The following GALNT18 variants were observed in gnomAD, a reference collection of about 807,000 sequenced individuals.
The protein encoded by GALNT18 is GalNAc-transferase 18.
Under a neutral mutation model 69.5 loss-of-function variants are expected in GALNT18, and 44 were observed. That is an observed-to-expected ratio of 0.63 (90% CI 0.50 to 0.81). The LOEUF (loss-of-function observed/expected upper bound fraction) is 0.81, where lower values mean the gene tolerates loss of function less well. GALNT18 is among the 40% of genes least tolerant of loss of function. The probability of loss-of-function intolerance (pLI) is 0.00; values close to 1 mark genes in which losing one functional copy is unlikely to be tolerated. For synonymous variants in GALNT18, 364 were observed against 318.2 expected (o/e 1.14, Z -1.53); for missense variants, 715 against 810.0 (o/e 0.88, Z 1.42).
At chr11:11,515,195 G>A (rs1206723639) in intron 1 of GALNT18, among the ~76,000 whole-genome samples, 3 of 151,852 alleles carry the variant, frequency 2.0e-5, no homozygotes, top group Non-Finnish European at 4.4e-5. Flanking sequence ...ATAATATGAG[G>A]TCACCCTGCA....
chr11:11,399,941 T>C (rs531470440), intron 3 of GALNT18, among the ~76,000 whole-genome samples: 1 of 152,372 alleles, frequency 6.6e-6, no homozygotes, highest in Non-Finnish European at 1.5e-5. Flanking sequence ...GGTGGTTATA[T>C]ACACAGGTTT....
chr11:11,280,110 G>A (rs769822043), intron 10 of GALNT18, among the ~76,000 whole-genome samples: 7 of 152,094 alleles, frequency 4.6e-5, no homozygotes, highest in Non-Finnish European at 1.0e-4. Flanking sequence ...AATAAAGCAA[G>A]ATTCCTCCTG....
intron 1 of GALNT18, among the ~76,000 whole-genome samples, chr11:11,525,759 C>T (rs999351289): frequency 6.6e-6 from 1 of 151,744 alleles, no homozygotes; most frequent in East Asian, 1.9e-4. Context: ...CTCAGCCTCC[C>T]GAGTAGCTGG....
At position 11,564,504 on chromosome 11, in the gene GALNT18, A is replaced by G. The variant is rs529115628; in HGVS notation, c.235+56855T>C. 2.0e-5 allele frequency among the ~76,000 whole-genome samples: 3 copies of G among 152,178 alleles called. No individual in the cohort carries two copies. Among genetic ancestry groups the G allele is most frequent in the South Asian group, 2.1e-4 (1 of 4,814 alleles). ...CCCTTCTTTTCTTCCCCACGGCCCTATGCATTTTATCTGCCTTATTTGAGG... is the reference window on the plus strand; with the variant it reads ...CCCTTCTTTTCTTCCCCACGGCCCTGTGCATTTTATCTGCCTTATTTGAGG... On this transcript the variant is annotated intron_variant, in intron 1 of 10. Transcript: ENST00000227756. This position sits in a 1 kb window ranked among gnomAD's most constrained non-coding sequence, Gnocchi z 4.3.
In GALNT18 at chr11:11,467,175, G is replaced by T. The variant is rs139670125; in HGVS notation, c.236-18239C>A. Among the ~76,000 whole-genome samples, 663 of 152,256 alleles carry T rather than the reference G, an allele frequency of 4.4e-3. 4 individuals carry two copies. Among genetic ancestry groups the T allele is most frequent in the African/African-American group, 0.015 (619 of 41,540 alleles). ...CCCACCGGCTGCATATGCTATGTGTGCCCACGGCAGGCAGGAGGGTTCTGC... is the reference window on the plus strand; with the variant it reads ...CCCACCGGCTGCATATGCTATGTGTTCCCACGGCAGGCAGGAGGGTTCTGC... On this transcript the variant is annotated intron_variant, in intron 1 of 10. Coordinates refer to ENST00000227756, the MANE Select transcript of GALNT18 (RefSeq NM_198516.3).
intron 2 of GALNT18, 76 bp downstream of exon 2, chr11:11,448,668 C>T (rs1392651814): frequency 7.6e-7 from 1 of 1,310,458 alleles, no homozygotes; most frequent in Admixed American, 2.2e-5. Context: ...CCCAGTCCTG[C>T]TCTGTTCCCA....
chr11:11,373,763 T>G (rs906169918), intron 5 of GALNT18, among the ~76,000 whole-genome samples: 1 of 152,206 alleles, frequency 6.6e-6, no homozygotes, highest in Non-Finnish European at 1.5e-5. Flanking sequence ...TGAGTTAGCG[T>G]GAGAGCACGG....
At chr11:11,298,324 G>A (rs1849435832) in intron 9 of GALNT18, among the ~76,000 whole-genome samples, 1 of 152,226 alleles carries the variant, frequency 6.6e-6, no homozygotes, top group Non-Finnish European at 1.5e-5. Context: ...CCATGCCCGT[G>A]GCTACTGCCA....
intron 2 of GALNT18, among the ~76,000 whole-genome samples, chr11:11,433,111 T>C (rs746408187): frequency 6.6e-6 from 1 of 152,256 alleles, no homozygotes; most frequent in Non-Finnish European, 1.5e-5. Context: ...TCAATGTTTC[T>C]AAATCCAGTA....
intron 9 of GALNT18, among the ~76,000 whole-genome samples, chr11:11,321,202 T>G (rs1354189652): frequency 6.6e-6 from 1 of 152,116 alleles, no homozygotes; most frequent in African/African-American, 2.4e-5. Context: ...AGAAGCCCAA[T>G]CCAGCTTTAT....
intron 1 of GALNT18, among the ~76,000 whole-genome samples, chr11:11,485,722 C>A (rs1856630177): frequency 6.6e-6 from 1 of 152,108 alleles, no homozygotes; most frequent in Admixed American, 6.6e-5. Flanking sequence ...GAGGAGTTGA[C>A]CTTCATGGGC....
chr11:11,505,728 G>A lies in GALNT18; in HGVS notation c.236-56792C>T, dbSNP rs1318986369. Among the ~76,000 whole-genome samples the A allele has an allele frequency of 2.0e-5, 3 of 152,158 alleles. No homozygotes were observed. Among genetic ancestry groups the A allele is most frequent in the African/African-American group, 7.2e-5 (3 of 41,440 alleles). On this transcript the variant is annotated intron_variant, in intron 1 of 10. Coordinates refer to ENST00000227756, the MANE Select transcript of GALNT18 (RefSeq NM_198516.3). The surrounding 1 kb of genome is among the most constrained non-coding windows in gnomAD (Gnocchi z 4.6). ...TCGCTTCCTCCTGCAAACTCTTGCT[G>A]CTTCCTCCCTGAATCCAGTGTACCT...
chr11:11,432,699 A>C lies in GALNT18; in HGVS notation c.517T>G (p.Ser173Ala). 1 of 1,613,738 alleles carries C rather than the reference A, an allele frequency of 6.2e-7. No homozygotes were observed. The highest frequency in any genetic ancestry group is 8.5e-7 in the Non-Finnish European group (1 of 1,179,906). ...GTGCGTTCCATGGCCGAGTGGATGG[A>C]GCGCAGCAGCACTGAAAGCGCTTCA... ...VNEALSVLLR[S>A]IHSAMERTPP... Residue 173 changes from serine (S) to alanine (A), a missense_variant, in exon 3 of 11, where the codon TCC becomes GCC. Physicochemically the swap from Ser to Ala is moderately conservative, Grantham distance 99 (BLOSUM62 1). Coordinates refer to ENST00000227756, the MANE Select transcript of GALNT18 (RefSeq NM_198516.3). The surrounding 1 kb of genome is among the most constrained non-coding windows in gnomAD (Gnocchi z 5.8).
At position 11,541,167 on chromosome 11, in the gene GALNT18, C is replaced by G. The variant is rs1467194788; in HGVS notation, c.235+80192G>C. Among the ~76,000 whole-genome samples, 1 of 152,158 alleles carries G rather than the reference C, an allele frequency of 6.6e-6. No individual in the cohort carries two copies. The highest frequency in any genetic ancestry group is 1.5e-5 in the Non-Finnish European group (1 of 68,028). The stretch of plus-strand genomic sequence containing the variant: ...TGTGGCTGCTGATGTTTCTCACTGC[C>G]CAACTCTGTACCTACAAGTTCTTTC... On this transcript the variant is annotated intron_variant, in intron 1 of 10. Transcript: ENST00000227756. The surrounding 1 kb of genome is among the most constrained non-coding windows in gnomAD (Gnocchi z 4.8).
chr11:11,471,972 T>C (rs570047982), intron 1 of GALNT18, among the ~76,000 whole-genome samples: 1 of 152,322 alleles, frequency 6.6e-6, no homozygotes, highest in African/African-American at 2.4e-5. Flanking sequence ...GGGACATGGC[T>C]GAGTCAAGGA....
In GALNT18 at chr11:11,543,045, T is replaced by C. The variant is rs1278087865; in HGVS notation, c.235+78314A>G. Among the ~76,000 whole-genome samples, 3 of 152,208 alleles carry C rather than the reference T, an allele frequency of 2.0e-5. No homozygotes were observed. The highest frequency in any genetic ancestry group is 2.9e-5 in the Non-Finnish European group (2 of 68,030). On this transcript the variant is annotated intron_variant, in intron 1 of 10. Transcript: ENST00000227756. The surrounding 1 kb of genome is among the most constrained non-coding windows in gnomAD (Gnocchi z 5.1). ...CCTCAAGGTTGTTTCAGGCACTAAA[T>C]GCACCAGTGTGTCTAAAGTATTTGG...
At chr11:11,279,951 AGAT>A (rs752323411) in intron 10 of GALNT18, among the ~76,000 whole-genome samples, 2 of 151,858 alleles carry the variant, frequency 1.3e-5, no homozygotes, top group Non-Finnish European at 2.9e-5. Context: ...TTTGAGTCAC[AGAT>A]GAAGGAGGCA....
At chr11:11,594,990 T>G (rs1859464712) in intron 1 of GALNT18, among the ~76,000 whole-genome samples, 1 of 149,952 alleles carries the variant, frequency 6.7e-6, no homozygotes, top group African/African-American at 2.4e-5. Flanking sequence ...TATGTGTGTG[T>G]GTGTGTGTGT....
chr11:11,578,427 G>A (rs2133902876), intron 1 of GALNT18, among the ~76,000 whole-genome samples: 3 of 151,522 alleles, frequency 2.0e-5, no homozygotes, highest in East Asian at 3.9e-4. Flanking sequence ...GAGAACACTG[G>A]CCCAATGTTC....
Sources: gnomAD v4.1 joint callset for allele counts (sites outside exome capture counted in the v4.1 genomes callset) on GRCh38, gnomAD v4.1.1 for gene constraint, Gnocchi (gnomAD v3.1) non-coding constraint, MANE v1.5 for transcripts, NCBI Gene and HGNC (gene_info 2026-07-23, HGNC 2026-07-21) for gene names.